The following B3GALT1 variants were observed in gnomAD, a reference collection of about 807,000 sequenced individuals.
B3GALT1 encodes beta-1,3-galactosyltransferase 1.
B3GALT1 carries 10 observed loss-of-function variants against 23.2 expected under a neutral mutation model. The ratio of observed to expected loss-of-function variants is 0.43; its 90% confidence interval spans 0.27 to 0.73. B3GALT1 has a LOEUF of 0.73. Among genes scored for constraint, B3GALT1 ranks in the 30% least tolerant of loss-of-function variants. B3GALT1 has a pLI of 0.21. For missense variants in B3GALT1, 299 were observed against 405.4 expected, an observed-to-expected ratio of 0.74 and a Z score of 2.25; for synonymous variants, 156 against 141.5, an observed-to-expected ratio of 1.10 and a Z score of -0.73.
chr2:167,661,533 T>C (rs1686060312), intron 3 of B3GALT1, among the ~76,000 whole-genome samples: 1 of 152,074 alleles, frequency 6.6e-6, no homozygotes. Context: ...TCTACCTAGA[T>C]GGGAGCCGTC....
chr2:167,584,815 T>G (rs745648284), intron 2 of B3GALT1, among the ~76,000 whole-genome samples: 23 of 152,158 alleles, frequency 1.5e-4, no homozygotes, highest in Non-Finnish European at 3.1e-4. Context: ...GGCACGGAGC[T>G]TACTTGCCCT....
intron 2 of B3GALT1, among the ~76,000 whole-genome samples, chr2:167,588,824 TCC>T (rs2105413703): frequency 6.8e-6 from 1 of 148,062 alleles, no homozygotes; most frequent in African/African-American, 2.5e-5. Flanking sequence ...TCTTTTTCCT[TCC>T]TTCCTTCCTT....
At chr2:167,408,449 G>A (rs1254606224) in intron 1 of B3GALT1, among the ~76,000 whole-genome samples, 1 of 152,092 alleles carries the variant, frequency 6.6e-6, no homozygotes, top group Non-Finnish European at 1.5e-5. Flanking sequence ...CTCCTCAAAG[G>A]AGATGAACAG....
chr2:167,338,626 T>C (rs1697098118), intron 1 of B3GALT1, among the ~76,000 whole-genome samples: 1 of 152,168 alleles, frequency 6.6e-6, no homozygotes, highest in East Asian at 1.9e-4. Flanking sequence ...ATAACTATAG[T>C]TGGATTAAAA....
intron 1 of B3GALT1, among the ~76,000 whole-genome samples, chr2:167,315,268 G>A (rs1393650172): frequency 6.6e-6 from 1 of 152,110 alleles, no homozygotes; most frequent in African/African-American, 2.4e-5. Context: ...GAAGGTCCTG[G>A]AAGAGTTGTT....
intron 1 of B3GALT1, among the ~76,000 whole-genome samples, chr2:167,416,755 G>A (rs1455876261): frequency 2.6e-5 from 4 of 152,144 alleles, no homozygotes; most frequent in Non-Finnish European, 5.9e-5. Flanking sequence ...CTGAAGCCTT[G>A]GGTCCCAATT....
Position 167,849,626 on chromosome 2 carries a change from G to A in B3GALT1, c.-229-19185G>A, listed in dbSNP as rs181361302. Reference sequence around the variant, plus strand: ...AACCTGGCCGGGCGCGGTGGCTCAAGCCTGTAATCCCAGCACTTTGGGAGG... The same window carrying A: ...AACCTGGCCGGGCGCGGTGGCTCAAACCTGTAATCCCAGCACTTTGGGAGG... On this transcript the variant is annotated intron_variant, in intron 4 of 4. Coordinates refer to ENST00000392690, the MANE Select transcript of B3GALT1 (RefSeq NM_020981.4). Among the ~76,000 whole-genome samples the A allele has an allele frequency of 4.5e-4, 69 of 152,272 alleles. No homozygotes were observed. The Middle Eastern group carries it at 0.01, about 23-fold the overall frequency.
At chr2:167,670,519 A>G (rs1476450049) in intron 3 of B3GALT1, among the ~76,000 whole-genome samples, 2 of 152,246 alleles carry the variant, frequency 1.3e-5, no homozygotes, top group African/African-American at 4.8e-5. Flanking sequence ...AGGAAGCATG[A>G]TACCACCAAA....
At chr2:167,408,108 C>G (rs917955518) in intron 1 of B3GALT1, among the ~76,000 whole-genome samples, 1 of 149,602 alleles carries the variant, frequency 6.7e-6, no homozygotes, top group Admixed American at 6.7e-5. Context: ...CACTGGTGAA[C>G]GTAGACACAA....
At chr2:167,296,267 T>C (rs1267421563) in intron 1 of B3GALT1, among the ~76,000 whole-genome samples, 1 of 152,172 alleles carries the variant, frequency 6.6e-6, no homozygotes, top group Non-Finnish European at 1.5e-5. Flanking sequence ...ATAGATACAA[T>C]TATTTTATGA....
chr2:167,317,149 G>A (rs1696732844), intron 1 of B3GALT1, among the ~76,000 whole-genome samples: 1 of 152,068 alleles, frequency 6.6e-6, no homozygotes, highest in African/African-American at 2.4e-5. Context: ...GCATTTAGAT[G>A]GCTACATAAA....
chr2:167,318,807 T>G (rs1414795296), intron 1 of B3GALT1, among the ~76,000 whole-genome samples: 1 of 151,984 alleles, frequency 6.6e-6, no homozygotes, highest in African/African-American at 2.4e-5. Flanking sequence ...GCCTATAGAC[T>G]CCTGCTATAC....
chr2:167,364,569 A>G (rs898150283), intron 1 of B3GALT1, among the ~76,000 whole-genome samples: 3 of 152,010 alleles, frequency 2.0e-5, no homozygotes, highest in Non-Finnish European at 2.9e-5. Flanking sequence ...GTTCCCACCT[A>G]TGAGTGAGAA....
chr2:167,719,722 G>T (rs1052487208), intron 3 of B3GALT1, among the ~76,000 whole-genome samples: 12 of 152,186 alleles, frequency 7.9e-5, no homozygotes, highest in African/African-American at 2.9e-4. Context: ...CAAGAGGTCA[G>T]GAGTTCAAGA....
At chr2:167,700,881 T>C (rs1464855373) in intron 3 of B3GALT1, among the ~76,000 whole-genome samples, 3 of 152,046 alleles carry the variant, frequency 2.0e-5, no homozygotes, top group South Asian at 2.1e-4. Context: ...AAGAAGAAGA[T>C]ATCTCCAAGA....
chr2:167,828,687 G>C (rs1015363087), intron 4 of B3GALT1, among the ~76,000 whole-genome samples: 5 of 152,186 alleles, frequency 3.3e-5, no homozygotes, highest in African/African-American at 1.2e-4. Context: ...CCTTTACTGA[G>C]TGCTTACTCT....
chr2:167,406,579 C>T (rs576545364), intron 1 of B3GALT1, among the ~76,000 whole-genome samples: 23 of 152,252 alleles, frequency 1.5e-4, no homozygotes, highest in Admixed American at 9.8e-4. Context: ...GATGGTCAGC[C>T]GGCTTCCCCA....
chr2:167,465,113 A>G (rs1474748446), intron 1 of B3GALT1, among the ~76,000 whole-genome samples: 1 of 152,244 alleles, frequency 6.6e-6, no homozygotes, highest in Non-Finnish European at 1.5e-5. Flanking sequence ...TAATGTGAAG[A>G]GGAAAGTATT....
At chr2:167,791,278 T>C (rs1688434418) in intron 3 of B3GALT1, among the ~76,000 whole-genome samples, 1 of 152,172 alleles carries the variant, frequency 6.6e-6, no homozygotes, top group African/African-American at 2.4e-5. Context: ...ACCAGTAGAC[T>C]ATCTTGCCTG....
Sources: allele counts gnomAD v4.1 joint callset (sites outside exome capture counted in the v4.1 genomes callset), GRCh38; gene constraint gnomAD v4.1.1; transcripts MANE v1.5; gene names NCBI Gene and HGNC (gene_info 2026-07-23, HGNC 2026-07-21).